MDGA2: variants seen among roughly 807,000 people sequenced by gnomAD.
The protein encoded by MDGA2 is MAM domain-containing glycosylphosphatidylinositol anchor protein 2.
A neutral mutation model predicts 117.8 loss-of-function variants in MDGA2; 40 were observed. That is an observed-to-expected ratio of 0.34 (90% confidence interval 0.26 to 0.44). MDGA2 has a LOEUF of 0.44. MDGA2 is among the 20% of genes least tolerant of loss of function. The pLI is 1.00. For synonymous variants in MDGA2, 452 were observed against 439.0 expected (o/e 1.03, Z -0.37); for missense variants, 1,123 against 1,250.6 (o/e 0.90, Z 1.54).
chr14:47,038,282 G>A (rs2138663372), intron 7 of MDGA2, among the ~76,000 whole-genome samples: 1 of 152,176 alleles, frequency 6.6e-6, no homozygotes, highest in East Asian at 1.9e-4. Context: ...CAACGTTATT[G>A]ATGTTCTGAT....
chr14:47,480,821 T>C (rs1893939306), intron 1 of MDGA2, among the ~76,000 whole-genome samples: 1 of 151,930 alleles, frequency 6.6e-6, no homozygotes, highest in Non-Finnish European at 1.5e-5. Flanking sequence ...AATTCTTCTG[T>C]AATAGGACAA....
chr14:46,925,789 T>C (rs1566528224), intron 9 of MDGA2, among the ~76,000 whole-genome samples: 1 of 152,130 alleles, frequency 6.6e-6, no homozygotes, highest in Non-Finnish European at 1.5e-5. Context: ...ACAAGAGGAA[T>C]GTCTGGCATT....
intron 1 of MDGA2, among the ~76,000 whole-genome samples, chr14:47,406,823 TAGAA>T (rs1892270476): frequency 6.6e-6 from 1 of 152,076 alleles, no homozygotes; most frequent in South Asian, 2.1e-4. Flanking sequence ...TTTGTAAAGT[TAGAA>T]AGAACACAAA....
chr14:47,019,416 A>G (rs1406858064), intron 8 of MDGA2, among the ~76,000 whole-genome samples: 1 of 152,158 alleles, frequency 6.6e-6, no homozygotes, highest in Non-Finnish European at 1.5e-5. Context: ...CTGTTGTTTT[A>G]TTAGGTTGGT....
At chr14:47,193,784 G>A (rs1566674666) in intron 3 of MDGA2, among the ~76,000 whole-genome samples, 2 of 152,010 alleles carry the variant, frequency 1.3e-5, no homozygotes, top group East Asian at 1.9e-4. Flanking sequence ...TTTCAGAGGC[G>A]TCCTTCAGAC....
At chr14:47,483,180 C>G (rs1187118632) in intron 1 of MDGA2, among the ~76,000 whole-genome samples, 1 of 152,068 alleles carries the variant, frequency 6.6e-6, no homozygotes, top group Non-Finnish European at 1.5e-5. Context: ...TTCTTTTCCA[C>G]AATTCCAAAA....
intron 7 of MDGA2, among the ~76,000 whole-genome samples, chr14:47,053,391 C>T (rs1889525050): frequency 6.6e-6 from 1 of 151,662 alleles, no homozygotes; most frequent in Non-Finnish European, 1.5e-5. Flanking sequence ...GTTTCACCAT[C>T]CCTTCAGCTA....
At chr14:47,218,258 C>T in intron 2 of MDGA2, 63 bp from the exon 3 acceptor site, 2 of 1,368,308 alleles carry the variant, frequency 1.5e-6, no homozygotes, top group East Asian at 2.6e-5. Context: ...AATCAAATAG[C>T]AATCACTCAT....
At chr14:46,839,878 T>C (rs1192840956), downstream of MDGA2, among the ~76,000 whole-genome samples, 1 of 151,986 alleles carries the variant, frequency 6.6e-6, no homozygotes, top group Non-Finnish European at 1.5e-5. Flanking sequence ...GGTTCATATA[T>C]GTTTCATATT....
intron 1 of MDGA2, among the ~76,000 whole-genome samples, chr14:47,575,180 T>G (rs1896093814): frequency 6.6e-6 from 1 of 152,112 alleles, no homozygotes; most frequent in Non-Finnish European, 1.5e-5. Flanking sequence ...ACTTTGCAAA[T>G]GGACAACTGT....
chr14:46,896,674 TAC>T (rs1028014905), intron 10 of MDGA2, among the ~76,000 whole-genome samples: 23 of 152,216 alleles, frequency 1.5e-4, no homozygotes, highest in Non-Finnish European at 7.4e-5. Flanking sequence ...AAGCTCTCTA[TAC>T]GTTTTCTTTG....
At chr14:47,335,285 A>G (rs1890408047) in intron 1 of MDGA2, among the ~76,000 whole-genome samples, 2 of 28,734 alleles carry the variant, frequency 7.0e-5, no homozygotes, top group African/African-American at 1.1e-4. Context: ...AGTATATGGT[A>G]AAAAAAAAAA....
chr14:47,648,379 T>C (rs527612150), intron 1 of MDGA2, among the ~76,000 whole-genome samples: 10 of 152,286 alleles, frequency 6.6e-5, no homozygotes, highest in African/African-American at 1.9e-4. Context: ...TGGGCATGAT[T>C]ATAAATTCCC....
chr14:47,399,915 G>C (rs111468839), intron 1 of MDGA2, among the ~76,000 whole-genome samples: 62 of 152,114 alleles, frequency 4.1e-4, no homozygotes, highest in Non-Finnish European at 6.8e-4. Flanking sequence ...GTGTACACTT[G>C]GAGTGTGGCA....
At chr14:47,610,878 C>G (rs1896835373) in intron 1 of MDGA2, among the ~76,000 whole-genome samples, 1 of 151,848 alleles carries the variant, frequency 6.6e-6, no homozygotes, top group Non-Finnish European at 1.5e-5. Context: ...TCATATGAAA[C>G]CAAAAAAGAG....
intron 6 of MDGA2, among the ~76,000 whole-genome samples, chr14:47,090,188 T>C (rs1879557267): frequency 2.0e-5 from 3 of 152,150 alleles, no homozygotes; most frequent in Admixed American, 6.5e-5. Context: ...GTTGATAAAC[T>C]AGAATTAGTT....
intron 1 of MDGA2, among the ~76,000 whole-genome samples, chr14:47,639,510 C>T (rs961272627): frequency 5.9e-5 from 9 of 152,108 alleles, no homozygotes; most frequent in East Asian, 1.9e-4. Flanking sequence ...CTCCAGCATA[C>T]GGTGCTTTGC....
intron 15 of MDGA2, among the ~76,000 whole-genome samples, chr14:46,853,621 TA>T (rs149867072): frequency 8.8e-5 from 13 of 146,908 alleles, no homozygotes; most frequent in East Asian, 2.0e-4. Flanking sequence ...TGAAAAGTTC[TA>T]AAAAAAAAAC....
rs921746088 is a variant in MDGA2 at position 47,346,151 on chromosome 14, G to T, written c.281-44601C>A. Among the ~76,000 whole-genome samples the T allele has an allele frequency of 5.9e-5, 9 of 152,188 alleles. No homozygotes were observed. The South Asian group carries it at 1.2e-3, about 21-fold the overall frequency. The stretch of plus-strand genomic sequence containing the variant: ...AGGTGACGGATATGCTAATTATCCT[G>T]ATCTGATCACTATTATATGTATTGA... On this transcript the variant is annotated intron_variant, in intron 1 of 16. Coordinates refer to ENST00000399232, the MANE Select transcript of MDGA2 (RefSeq NM_001113498.3).
Sources: allele counts gnomAD v4.1 joint callset (sites outside exome capture counted in the v4.1 genomes callset), GRCh38; gene constraint gnomAD v4.1.1; transcripts MANE v1.5; gene names NCBI Gene and HGNC (gene_info 2026-07-23, HGNC 2026-07-21).